The following COL22A1 variants were observed in gnomAD, a reference collection of about 807,000 sequenced individuals.
COL22A1 encodes collagen type XXII alpha 1 chain, also known as collagen alpha-1(XXII) chain.
COL22A1 carries 221 observed loss-of-function variants against 248.9 expected under a neutral mutation model. The ratio of observed to expected loss-of-function variants is 0.89; its 90% CI spans 0.80 to 0.99. The LOEUF (loss-of-function observed/expected upper bound fraction) is 0.99. Among genes scored for constraint, COL22A1 ranks in the 50% least tolerant of loss-of-function variants. COL22A1 has a pLI of 0.00. For missense variants in COL22A1, 2,240 were observed against 2,179.0 expected, an observed-to-expected ratio of 1.03 and a Z score of -0.56; for synonymous variants, 891 against 793.4, an observed-to-expected ratio of 1.12 and a Z score of -2.07.
intron 12 of COL22A1, among the ~76,000 whole-genome samples, chr8:138,789,751 G>T (rs59232134): frequency 7.2e-5 from 11 of 152,162 alleles, no homozygotes; most frequent in Non-Finnish European, 1.3e-4. Flanking sequence ...TGCAGGCTTG[G>T]CCCCACTTAC....
chr8:138,869,363 G>A (rs370140664), intron 3 of COL22A1, among the ~76,000 whole-genome samples: 5 of 152,188 alleles, frequency 3.3e-5, no homozygotes, highest in African/African-American at 7.2e-5. Context: ...CAAGCTGCCC[G>A]GAGCCAAAGG....
intron 40 of COL22A1, among the ~76,000 whole-genome samples, chr8:138,677,508 A>T (rs75479146): frequency 0.22 from 34,162 of 152,182 alleles, 4,132 homozygotes; most frequent in African/African-American, 0.32. Context: ...GCCAAGGCCG[A>T]GCCACGCCTT....
chr8:138,754,364 T>A (rs1832831307), intron 21 of COL22A1, among the ~76,000 whole-genome samples: 1 of 152,220 alleles, frequency 6.6e-6, no homozygotes, highest in Non-Finnish European at 1.5e-5. Flanking sequence ...TGTTCTAATT[T>A]TCCTAGAATT....
chr8:138,595,586 T>C (rs1168027619), intron 62 of COL22A1, among the ~76,000 whole-genome samples: 2 of 151,960 alleles, frequency 1.3e-5, no homozygotes, highest in Non-Finnish European at 2.9e-5. Flanking sequence ...CAAAACCCAC[T>C]CCTTAACGTG....
intron 23 of COL22A1, among the ~76,000 whole-genome samples, chr8:138,731,936 C>A (rs1830742884): frequency 6.6e-6 from 1 of 152,106 alleles, no homozygotes; most frequent in Non-Finnish European, 1.5e-5. Flanking sequence ...ATTTTATGTC[C>A]TTTTTTCTTC....
chr8:138,714,430 G>A (rs1357923830), intron 30 of COL22A1, among the ~76,000 whole-genome samples: 2 of 152,144 alleles, frequency 1.3e-5, no homozygotes, highest in Non-Finnish European at 2.9e-5. Flanking sequence ...GAGAAGGACG[G>A]GATGAGATGC....
intron 31 of COL22A1, among the ~76,000 whole-genome samples, chr8:138,702,033 T>G (rs146023755): frequency 2.6e-5 from 4 of 152,372 alleles, no homozygotes; most frequent in South Asian, 2.1e-4. Context: ...GATACTACAA[T>G]GTACATCCTT....
At chr8:138,786,883 G>GCCTGGCAGCCTGGCAT (rs540449765) in intron 12 of COL22A1, among the ~76,000 whole-genome samples, 1 of 152,146 alleles carries the variant, frequency 6.6e-6, no homozygotes, top group Non-Finnish European at 1.5e-5. Context: ...CAGCCTGGCA[G>GCCTGGCAGCCTGGCAT]CCTGGGCGAC....
At chr8:138,636,696 T>C in intron 48 of COL22A1, 46 bp downstream of exon 48, 1 of 1,413,020 alleles carries the variant, frequency 7.1e-7, no homozygotes, top group Non-Finnish European at 1.0e-6. Flanking sequence ...GGAGAAACAG[T>C]GCTCCTTCCT....
At chr8:138,883,357 C>G in intron 1 of COL22A1, 113 bp from the exon 2 acceptor site, 1 of 612,890 alleles carries the variant, frequency 1.6e-6, no homozygotes, top group Non-Finnish European at 2.8e-6. Flanking sequence ...AACCCATCTT[C>G]CCTCCCGGAT....
intron 58 of COL22A1, among the ~76,000 whole-genome samples, chr8:138,605,843 A>G (rs1818376542): frequency 6.6e-6 from 1 of 152,210 alleles, no homozygotes; most frequent in Non-Finnish European, 1.5e-5. Flanking sequence ...CCTTGACTCA[A>G]GGACAAGCTG....
chr8:138,883,389 G>A, intron 1 of COL22A1, 145 bp from the exon 2 acceptor site: 1 of 579,498 alleles, frequency 1.7e-6, no homozygotes, highest in East Asian at 2.9e-5. Context: ...CAGCGAATGT[G>A]TGACCTTCCA....
intron 23 of COL22A1, among the ~76,000 whole-genome samples, chr8:138,733,308 T>C (rs1326720552): frequency 6.6e-6 from 1 of 152,228 alleles, no homozygotes; most frequent in East Asian, 1.9e-4. Flanking sequence ...AGATTTATTG[T>C]AAAATTTTCT....
intron 1 of COL22A1, among the ~76,000 whole-genome samples, chr8:138,902,737 TATACACACACACACACACACACACACAC>T (rs1362817008): frequency 3.7e-5 from 4 of 107,042 alleles, no homozygotes; most frequent in African/African-American, 1.1e-4. Flanking sequence ...TATATATATA[TATACACACACACACACACACACACACAC>T]ACACACACAC....
chr8:138,660,851 CATACACAGACACACAAACACACAG>C (rs1823791143), intron 43 of COL22A1, among the ~76,000 whole-genome samples: 4 of 134,870 alleles, frequency 3.0e-5, no homozygotes, highest in Non-Finnish European at 3.2e-5. Context: ...CACACACACA[CATACACAGACACACAAACACACAG>C]ACACACACAT....
At chr8:138,795,420 G>A (rs1398576872) in intron 12 of COL22A1, among the ~76,000 whole-genome samples, 1 of 152,108 alleles carries the variant, frequency 6.6e-6, no homozygotes, top group African/African-American at 2.4e-5. Context: ...AGAAATGTGA[G>A]GGAGAAAATA....
chr8:138,704,321 GCCT>G (rs977027529), intron 30 of COL22A1, among the ~76,000 whole-genome samples: 19 of 152,200 alleles, frequency 1.2e-4, no homozygotes, highest in African/African-American at 4.6e-4. Context: ...CAGACAGACT[GCCT>G]CCTCAAGTGG....
rs1439559876 is a variant in COL22A1, at chr8:138,630,688, A to G, written c.3663+7T>C. On this transcript the variant is annotated splice_region_variant and intron_variant, in intron 50 of 64. Coordinates refer to ENST00000303045, the MANE Select transcript of COL22A1 (RefSeq NM_152888.3). ...TAAAAACAGATCCCATTCCTTGAGG[A>G]ACTTACAGGTGACCCTTGGATTCCT... 9.9e-6 allele frequency: 16 copies of G among 1,613,072 alleles called. No individual in the cohort carries two copies. Among genetic ancestry groups the G allele is most frequent in the African/African-American group, 1.3e-5 (1 of 74,864 alleles).
At chr8:138,755,341 A>G in intron 20 of COL22A1, 131 bp from the exon 21 acceptor site, 1 of 1,260,144 alleles carries the variant, frequency 7.9e-7, no homozygotes, top group Non-Finnish European at 1.2e-6. Context: ...GAGGTATGGG[A>G]GTGGGTATTT....
Sources: allele counts gnomAD v4.1 joint callset (sites outside exome capture counted in the v4.1 genomes callset), GRCh38; gene constraint gnomAD v4.1.1; transcripts MANE v1.5; gene names NCBI Gene and HGNC (gene_info 2026-07-23, HGNC 2026-07-21).